THRB: variants seen among roughly 807,000 people sequenced by gnomAD.
The protein encoded by THRB is nuclear receptor subfamily 1 group A member 2.
Under a neutral mutation model 47.8 loss-of-function variants are expected in THRB, and 12 were observed. That is an observed-to-expected ratio of 0.25 (90% CI 0.16 to 0.41). The LOEUF is 0.41. Among genes scored for constraint, THRB ranks in the 10% least tolerant of loss-of-function variants. THRB has a pLI of 1.00. For synonymous variants in THRB, 218 were observed against 212.2 expected (o/e 1.03, Z -0.24); for missense variants, 348 against 589.2 (o/e 0.59, Z 4.24).
intron 1 of THRB, among the ~76,000 whole-genome samples, chr3:24,347,656 T>C (rs1481623317): frequency 6.6e-6 from 1 of 150,786 alleles, no homozygotes; most frequent in Non-Finnish European, 1.5e-5. Flanking sequence ...AAAAAAGAAA[T>C]CACTATAAAT....
Position 24,279,407 on chromosome 3 carries a change from G to A in THRB, c.-43+17819C>T, listed in dbSNP as rs147788460. Among the ~76,000 whole-genome samples the A allele has an allele frequency of 5.2e-3, 793 of 151,556 alleles. 8 individuals carry two copies. Among genetic ancestry groups the A allele is most frequent in the African/African-American group, 0.018 (741 of 41,334 alleles). ...AGTTCTTTTTTCTTTTTTTTGAGAC[G>A]GAGCCTCATTCTGTCGCCCAGGCTG... On this transcript the variant is annotated intron_variant, in intron 3 of 10. Coordinates refer to ENST00000646209, the MANE Select transcript of THRB (RefSeq NM_001354712.2).
rs148725618 is a variant in THRB at position 24,342,802 on chromosome 3, C to T, written c.-260-5431G>A. 2.2e-4 allele frequency among the ~76,000 whole-genome samples: 33 copies of T among 152,036 alleles called. 1 individual carries two copies. The highest frequency in any genetic ancestry group is 1.7e-3 in the Admixed American group (26 of 15,274). On this transcript the variant is annotated intron_variant, in intron 1 of 10. Coordinates refer to ENST00000646209, the MANE Select transcript of THRB (RefSeq NM_001354712.2). ...ACAGGGCCTGAAGGTTAGAAAGGGC[C>T]CAACTAGGTGGAAATGAGGGAAAGA...
At chr3:24,442,264 G>A (rs1194429816) in intron 1 of THRB, among the ~76,000 whole-genome samples, 1 of 152,132 alleles carries the variant, frequency 6.6e-6, no homozygotes. Flanking sequence ...TTATATGCCA[G>A]GCAAGGCACT....
At chr3:24,213,382 A>C (rs1374076937) in intron 4 of THRB, among the ~76,000 whole-genome samples, 1 of 152,068 alleles carries the variant, frequency 6.6e-6, no homozygotes, top group Non-Finnish European at 1.5e-5. Flanking sequence ...CTTACCCAGG[A>C]CTCTATTAAT....
At chr3:24,338,287 C>T (rs2062398462) in intron 1 of THRB, among the ~76,000 whole-genome samples, 1 of 152,132 alleles carries the variant, frequency 6.6e-6, no homozygotes, top group Admixed American at 6.5e-5. Context: ...CAACCCCACA[C>T]CAAGCCCAGA....
intron 1 of THRB, among the ~76,000 whole-genome samples, chr3:24,434,752 T>C (rs904853351): frequency 1.3e-5 from 2 of 152,100 alleles, no homozygotes; most frequent in Non-Finnish European, 2.9e-5. Context: ...AAGAAGGACA[T>C]TTTGGGGAAA....
At chr3:24,452,418 T>C (rs767493481) in intron 1 of THRB, among the ~76,000 whole-genome samples, 1 of 152,058 alleles carries the variant, frequency 6.6e-6, no homozygotes, top group Non-Finnish European at 1.5e-5. Flanking sequence ...TGGGGGTAGA[T>C]TTAAGCAGGC....
chr3:24,264,067 A>T (rs1445542134), intron 3 of THRB, among the ~76,000 whole-genome samples: 1 of 152,112 alleles, frequency 6.6e-6, no homozygotes, highest in Non-Finnish European at 1.5e-5. Flanking sequence ...TGGGCACCAA[A>T]CCCTGCAATG....
intron 1 of THRB, among the ~76,000 whole-genome samples, chr3:24,457,087 G>A (rs1577708750): frequency 6.6e-6 from 1 of 152,146 alleles, no homozygotes; most frequent in East Asian, 1.9e-4. Context: ...TTAATTCACA[G>A]AAACTTGATT....
chr3:24,326,510 A>T lies in THRB; in HGVS notation c.-189+10790T>A, dbSNP rs990988496. ...CTCGGCCTCCCAAAGTGCTGGGATT[A>T]CAGGCATGAGTCACCGTTCCCGGCC... On this transcript the variant is annotated intron_variant, in intron 2 of 10. Coordinates refer to ENST00000646209, the MANE Select transcript of THRB (RefSeq NM_001354712.2). 2.6e-5 allele frequency among the ~76,000 whole-genome samples: 4 copies of T among 152,180 alleles called. No homozygotes were observed. In the East Asian group the frequency reaches 5.8e-4, roughly 22 times the overall value.
intron 1 of THRB, among the ~76,000 whole-genome samples, chr3:24,484,571 A>T (rs1034759009): frequency 6.6e-6 from 1 of 152,200 alleles, no homozygotes; most frequent in Non-Finnish European, 1.5e-5. Flanking sequence ...AAGAATTTAA[A>T]CTACATATAT....
intron 5 of THRB, among the ~76,000 whole-genome samples, chr3:24,175,516 A>C (rs2041022704): frequency 6.6e-6 from 1 of 152,244 alleles, no homozygotes. Context: ...AAAAGTGAAC[A>C]GAATAGTATT....
rs778989568 is a variant in THRB at position 24,123,004 on chromosome 3, C to T, written c.1266G>A (p.Leu422=). 6.2e-7 allele frequency: 1 copy of T among 1,614,170 alleles called. No homozygotes were observed. The highest frequency in any genetic ancestry group is 8.5e-7 in the Non-Finnish European group (1 of 1,180,040). The change falls in exon 11 of 11, where the codon CTG becomes CTA. Residue 422 remains leucine (L), a synonymous_variant. Coordinates refer to ENST00000646209, the MANE Select transcript of THRB (RefSeq NM_001354712.2). ...HHVTHFWPKL[L]MKVTDLRMIG... The stretch of plus-strand genomic sequence containing the variant: ...TCATCCGCAGATCTGTCACCTTCAT[C>T]AGGAGTTTTGGCCAAAAGTGTGTCA...
chr3:24,162,392 T>C (rs2038999195), intron 5 of THRB, among the ~76,000 whole-genome samples: 1 of 152,148 alleles, frequency 6.6e-6, no homozygotes, highest in African/African-American at 2.4e-5. Context: ...CACAGCTATG[T>C]CACTAGAATT....
chr3:24,467,825 C>T (rs2074271739), intron 1 of THRB, among the ~76,000 whole-genome samples: 1 of 152,182 alleles, frequency 6.6e-6, no homozygotes, highest in East Asian at 1.9e-4. Context: ...GGCAAATGAG[C>T]ATTGACTTCA....
chr3:24,256,839 C>T (rs1043695016), intron 3 of THRB, among the ~76,000 whole-genome samples: 2 of 152,200 alleles, frequency 1.3e-5, no homozygotes, highest in Non-Finnish European at 2.9e-5. Context: ...AAGTCTGAAA[C>T]AGCATTACAG....
At chr3:24,181,297 C>G (rs1346272821) in intron 5 of THRB, among the ~76,000 whole-genome samples, 2 of 151,784 alleles carry the variant, frequency 1.3e-5, no homozygotes, top group African/African-American at 2.4e-5. Context: ...GTAGATTCAT[C>G]TATTTGATTT....
At chr3:24,197,649 G>T (rs1446244416) in intron 4 of THRB, among the ~76,000 whole-genome samples, 1 of 115,600 alleles carries the variant, frequency 8.7e-6, no homozygotes, top group Non-Finnish European at 1.7e-5. Flanking sequence ...AATAAGAACA[G>T]ATCAAAATAC....
intron 1 of THRB, among the ~76,000 whole-genome samples, chr3:24,468,991 C>G (rs1266707918): frequency 1.3e-5 from 2 of 152,004 alleles, no homozygotes; most frequent in Non-Finnish European, 2.9e-5. Flanking sequence ...ATGAGGTATG[C>G]CTATATATCT....
Sources: gnomAD v4.1 joint callset for allele counts (sites outside exome capture counted in the v4.1 genomes callset) on GRCh38, gnomAD v4.1.1 for gene constraint, MANE v1.5 for transcripts, NCBI Gene and HGNC (gene_info 2026-07-23, HGNC 2026-07-21) for gene names.